Variants in SPINK8 observed in about 807,000 individuals in gnomAD.
SPINK8 encodes the protein serine protease inhibitor Kazal-type 8.
In SPINK8, 12 loss-of-function variants were observed where a neutral mutation model predicts 14.4. The observed-to-expected ratio is 0.83, with a 90% CI of 0.53 to 1.35. The LOEUF is 1.35. Ranked by LOEUF, SPINK8 falls within the 40% of genes most tolerant of loss-of-function variation. The probability of loss-of-function intolerance (pLI) is 0.00; values close to 1 mark genes in which losing one functional copy is unlikely to be tolerated. For synonymous variants in SPINK8, 32 were observed against 37.6 expected (o/e 0.85, Z 0.55); for missense variants, 103 against 117.0 (o/e 0.88, Z 0.55).
intron 6 of SPINK8, among the ~76,000 whole-genome samples, chr3:48,312,084 T>G (rs2107083826): frequency 6.7e-6 from 1 of 149,832 alleles, no homozygotes; most frequent in Middle Eastern, 3.6e-3. Context: ...CAGTGAGCTA[T>G]GACCACACCA....
intron 3 of SPINK8, among the ~76,000 whole-genome samples, chr3:48,328,568 A>G (rs2036177404): frequency 6.6e-6 from 1 of 152,260 alleles, no homozygotes; most frequent in African/African-American, 2.4e-5. Flanking sequence ...ACAGAATTTT[A>G]GAAGATGCCA....
intron 5 of SPINK8, among the ~76,000 whole-genome samples, chr3:48,320,499 G>C (rs577028054): frequency 6.6e-6 from 1 of 151,624 alleles, no homozygotes; most frequent in South Asian, 2.1e-4. Flanking sequence ...AGTGAGCTGA[G>C]ATCGCGCCAC....
intron 4 of SPINK8, among the ~76,000 whole-genome samples, chr3:48,323,748 T>G (rs1283317829): frequency 6.6e-6 from 1 of 152,184 alleles, no homozygotes; most frequent in East Asian, 1.9e-4. Context: ...ATCAATTCAC[T>G]CCAAATGTAA....
intron 6 of SPINK8, among the ~76,000 whole-genome samples, chr3:48,314,858 C>A (rs1406334100): frequency 6.6e-6 from 1 of 152,166 alleles, no homozygotes; most frequent in Non-Finnish European, 1.5e-5. Flanking sequence ...ATACAGAAGG[C>A]CTTGCAGCCA....
rs559869892 is a variant in SPINK8, at chr3:48,327,956, T to G, written c.67+319A>C. On this transcript the variant is annotated intron_variant, in intron 4 of 7. Transcript: ENST00000434006. ...CTGAGTCTACTTCCACATAGTCTAA[T>G]GAGTTTCTTTTTTTGATTTGAGATA... 7.9e-5 allele frequency among the ~76,000 whole-genome samples: 12 copies of G among 152,352 alleles called. No homozygotes were observed. In the South Asian group the frequency reaches 2.5e-3, roughly 32 times the overall value.
chr3:48,318,637 T>C (rs2036026883), intron 6 of SPINK8, among the ~76,000 whole-genome samples: 1 of 152,242 alleles, frequency 6.6e-6, no homozygotes, highest in African/African-American at 2.4e-5. Context: ...GTATGGGTTC[T>C]AGTGTAAGCT....
intron 6 of SPINK8, among the ~76,000 whole-genome samples, chr3:48,317,470 A>G (rs1242935603): frequency 6.6e-6 from 1 of 152,170 alleles, no homozygotes; most frequent in Non-Finnish European, 1.5e-5. Context: ...CATGCGCAAC[A>G]AAAGTGAAAC....
At chr3:48,319,889 A>T (rs1315423011) in intron 5 of SPINK8, among the ~76,000 whole-genome samples, 1 of 151,930 alleles carries the variant, frequency 6.6e-6, no homozygotes, top group Non-Finnish European at 1.5e-5. Context: ...CATGCCTGTA[A>T]TCCCAGCACT....
chr3:48,324,082 T>G (rs939507962), intron 4 of SPINK8, among the ~76,000 whole-genome samples: 13 of 152,172 alleles, frequency 8.5e-5, no homozygotes, highest in African/African-American at 2.7e-4. Context: ...TTCTAGAATA[T>G]TGCCATCTTA....
chr3:48,316,712 G>T (rs942609904), intron 6 of SPINK8, among the ~76,000 whole-genome samples: 5 of 152,186 alleles, frequency 3.3e-5, no homozygotes, highest in Admixed American at 6.5e-5. Flanking sequence ...GGTCGAGGCT[G>T]CAGTGAGCCA....
Position 48,320,937 on chromosome 3 carries a change from C to G in SPINK8, c.117+88G>C, listed in dbSNP as rs751844494. ...TTCCCATGCAAGCCCCCTCCACTGC[C>G]CACCTCCCAGAAGAAAGAGCTGGGG... On this transcript the variant is annotated intron_variant, in intron 5 of 7. Coordinates refer to ENST00000434006, the MANE Select transcript of SPINK8 (RefSeq NM_001080525.3). The G allele has an allele frequency of 4.2e-4, 575 of 1,371,306 alleles. 1 individual carries two copies. Among genetic ancestry groups the G allele is most frequent in the Non-Finnish European group, 5.6e-4 (555 of 994,498 alleles). The allele number at this position is 1,371,306 out of a possible 1,614,324, so 84.9% of individuals were successfully genotyped here.
chr3:48,321,639 C>A (rs1287708375), intron 4 of SPINK8, among the ~76,000 whole-genome samples: 1 of 151,594 alleles, frequency 6.6e-6, no homozygotes, highest in Non-Finnish European at 1.5e-5. Context: ...CATGGTGAAA[C>A]CCTGTCTCTA....
chr3:48,326,382 C>A (rs1276854767), intron 4 of SPINK8, among the ~76,000 whole-genome samples: 1 of 151,830 alleles, frequency 6.6e-6, no homozygotes, highest in Admixed American at 6.6e-5. Flanking sequence ...CCAAGGCTGG[C>A]AGGTCACCTG....
intron 4 of SPINK8, among the ~76,000 whole-genome samples, chr3:48,327,879 G>A (rs144513165): frequency 1.3e-5 from 2 of 152,270 alleles, no homozygotes; most frequent in Admixed American, 1.3e-4. Flanking sequence ...ATTCCCTACT[G>A]TTAACTATAA....
intron 3 of SPINK8, 122 bp from the exon 4 acceptor site, chr3:48,328,476 G>T: frequency 1.8e-6 from 1 of 543,400 alleles, no homozygotes; most frequent in Non-Finnish European, 3.1e-6. Flanking sequence ...CAGGTCATTT[G>T]GAATGAATTG....
chr3:48,319,569 T>A lies in SPINK8; in HGVS notation c.167A>T (p.Lys56Met), dbSNP rs769790273. ...ACTGCCACAAATAGGTTCACTGGGCTTGATGTAGGATAAAAACCAGCACTT... is the reference window on the plus strand; with the variant it reads ...ACTGCCACAAATAGGTTCACTGGGCATGATGTAGGATAAAAACCAGCACTT... ...VNKCWFLSYI[K>M]PSEPICGSDQ... is the part of the protein sequence containing the mutation. Residue 56 changes from lysine to methionine, a missense_variant, in exon 6 of 8, where the codon AAG becomes ATG. Transcript: ENST00000434006. The A allele has an allele frequency of 1.2e-6, 2 of 1,613,988 alleles. No individual in the cohort carries two copies. The highest frequency in any genetic ancestry group is 1.7e-6 in the Non-Finnish European group (2 of 1,179,866).
chr3:48,315,889 A>C (rs2035984853), intron 6 of SPINK8, among the ~76,000 whole-genome samples: 1 of 152,158 alleles, frequency 6.6e-6, no homozygotes. Flanking sequence ...AATTACAATG[A>C]CCTAGAATGA....
intron 7 of SPINK8, among the ~76,000 whole-genome samples, chr3:48,308,119 G>A (rs962394632): frequency 6.6e-6 from 1 of 151,304 alleles, no homozygotes; most frequent in Non-Finnish European, 1.5e-5. Flanking sequence ...GACTACAGGC[G>A]CCCGCCACCA....
chr3:48,308,843 G>T (rs2035885086), intron 7 of SPINK8, among the ~76,000 whole-genome samples: 1 of 152,180 alleles, frequency 6.6e-6, no homozygotes, highest in African/African-American at 2.4e-5. Context: ...TAAGACCAGA[G>T]ATTTATTTGA....
Sources: allele counts gnomAD v4.1 joint callset (sites outside exome capture counted in the v4.1 genomes callset), GRCh38; gene constraint gnomAD v4.1.1; transcripts MANE v1.5; gene names NCBI Gene and HGNC (gene_info 2026-07-23, HGNC 2026-07-21).